The following SPECC1 variants were observed in gnomAD, a reference collection of about 807,000 sequenced individuals.
SPECC1 encodes cytospin-B.
A neutral mutation model predicts 104.1 loss-of-function variants in SPECC1; 62 were observed. That is an observed-to-expected ratio of 0.60 (90% CI 0.49 to 0.74). SPECC1 has a LOEUF of 0.74. Among genes scored for constraint, SPECC1 ranks in the 30% least tolerant of loss-of-function variants. SPECC1 has a pLI of 0.00. For synonymous variants in SPECC1, 513 were observed against 501.6 expected (o/e 1.02, Z -0.30); for missense variants, 1,306 against 1,310.5 (o/e 1.00, Z 0.05).
intron 1 of SPECC1, among the ~76,000 whole-genome samples, chr17:20,044,255 T>C (rs2045446972): frequency 6.6e-6 from 1 of 151,640 alleles, no homozygotes; most frequent in Admixed American, 6.6e-5. Context: ...TTCAGCATGC[T>C]AAAAAAAAGG....
chr17:20,245,309 G>T (rs911184034), intron 7 of SPECC1, among the ~76,000 whole-genome samples: 2 of 152,152 alleles, frequency 1.3e-5, no homozygotes, highest in Non-Finnish European at 2.9e-5. Context: ...CACCCAGTTG[G>T]AAAGCTGCCA....
At chr17:20,137,340 G>T (rs570386296) in intron 3 of SPECC1, among the ~76,000 whole-genome samples, 4 of 152,344 alleles carry the variant, frequency 2.6e-5, no homozygotes, top group African/African-American at 7.2e-5. Flanking sequence ...TGTTGGACAA[G>T]CTGCTTAGTG....
chr17:20,196,491 T>C (rs1326295843), intron 3 of SPECC1, among the ~76,000 whole-genome samples: 5 of 151,502 alleles, frequency 3.3e-5, no homozygotes, highest in Non-Finnish European at 4.4e-5. Flanking sequence ...TTATGACGCA[T>C]TTAGGAGGCC....
chr17:20,291,143 G>T (rs983946931), intron 12 of SPECC1, among the ~76,000 whole-genome samples: 3 of 152,216 alleles, frequency 2.0e-5, no homozygotes, highest in Admixed American at 6.5e-5. Context: ...ATCCACCCCA[G>T]AGTCTGTTCC....
At chr17:20,236,338 CAT>C (rs934926819) in intron 7 of SPECC1, among the ~76,000 whole-genome samples, 3 of 152,142 alleles carry the variant, frequency 2.0e-5, no homozygotes, top group Admixed American at 6.5e-5. Context: ...CTCTTTTTTT[CAT>C]AGTTTAAATG....
At chr17:20,201,309 A>C (rs982322180) in intron 3 of SPECC1, among the ~76,000 whole-genome samples, 2 of 151,880 alleles carry the variant, frequency 1.3e-5, no homozygotes, top group Non-Finnish European at 2.9e-5. Flanking sequence ...AAAAAAAAAA[A>C]ACAAAAAAAC....
chr17:20,123,638 G>A (rs2049145965), intron 3 of SPECC1, among the ~76,000 whole-genome samples: 1 of 152,220 alleles, frequency 6.6e-6, no homozygotes, highest in Non-Finnish European at 1.5e-5. Flanking sequence ...TCCAGGATAG[G>A]TAGTGTTCCC....
rs1183110583 is a variant in SPECC1 at position 20,112,249 on chromosome 17, A to T, written c.283+1687A>T. The T allele has an allele frequency of 3.9e-6, 3 of 763,112 alleles. No homozygotes were observed. The African/African-American group carries it at 5.1e-5, about 13-fold the overall frequency. The allele number at this position is 763,112 out of a possible 1,614,324, so 47.3% of individuals were successfully genotyped here. On this transcript the variant is annotated intron_variant, in intron 3 of 14. Coordinates refer to ENST00000395527, the MANE Select transcript of SPECC1 (RefSeq NM_001243439.2). ...GCTTTCTTAATTGACCGAAGTCCTGAGTACTTTGAACCCATTTTGAACTAC... is the reference window on the plus strand; with the variant it reads ...GCTTTCTTAATTGACCGAAGTCCTGTGTACTTTGAACCCATTTTGAACTAC...
In SPECC1 at chr17:20,077,756, C is replaced by T. The variant is rs1273586183; in HGVS notation, c.-21-18875C>T. On this transcript the variant is annotated intron_variant, in intron 1 of 14. Coordinates refer to ENST00000395527, the MANE Select transcript of SPECC1 (RefSeq NM_001243439.2). The stretch of plus-strand genomic sequence containing the variant: ...TGCTGGGGTTACAAGCGTGAGCCAC[C>T]GCACCTAGCCTGTTGCTTTTATGAT... Among the ~76,000 whole-genome samples, 4 of 152,162 alleles carry T rather than the reference C, an allele frequency of 2.6e-5. No individual in the cohort carries two copies. The South Asian group carries it at 6.2e-4, about 24-fold the overall frequency.
chr17:20,228,342 C>T (rs1185450665), intron 5 of SPECC1, among the ~76,000 whole-genome samples: 1 of 152,154 alleles, frequency 6.6e-6, no homozygotes, highest in Admixed American at 6.5e-5. Context: ...TGTGAGCCAC[C>T]GTATTGAGCT....
chr17:20,231,623 TG>T (rs767066918), intron 5 of SPECC1, 134 bp from the exon 6 acceptor site: 62 of 734,094 alleles, frequency 8.4e-5, no homozygotes, highest in Admixed American at 1.3e-4. Flanking sequence ...TGCTAAAAGT[TG>T]CATTTAGAGT....
At chr17:20,194,817 C>G (rs754991653) in intron 3 of SPECC1, among the ~76,000 whole-genome samples, 4 of 152,104 alleles carry the variant, frequency 2.6e-5, no homozygotes, top group Non-Finnish European at 5.9e-5. Context: ...AAAACAGATT[C>G]TTATTGCACC....
At chr17:20,264,796 A>T (rs1270879011) in intron 12 of SPECC1, among the ~76,000 whole-genome samples, 1 of 152,066 alleles carries the variant, frequency 6.6e-6, no homozygotes, top group Non-Finnish European at 1.5e-5. Flanking sequence ...ACATATACAT[A>T]AAAAGGGCCA....
At chr17:20,128,523 C>T (rs73301526) in intron 3 of SPECC1, among the ~76,000 whole-genome samples, 6,841 of 152,126 alleles carry the variant, frequency 0.045, 423 homozygotes, top group African/African-American at 0.14. Flanking sequence ...AAGAGTGCAG[C>T]GGGGGCCATC....
chr17:20,310,529 C>G (rs1363903920), intron 14 of SPECC1, among the ~76,000 whole-genome samples: 1 of 152,198 alleles, frequency 6.6e-6, no homozygotes, highest in Non-Finnish European at 1.5e-5. Context: ...AGCATCTTAG[C>G]CAGCCCAATT....
At chr17:20,188,274 T>C (rs2035416011) in intron 3 of SPECC1, among the ~76,000 whole-genome samples, 2 of 152,030 alleles carry the variant, frequency 1.3e-5, no homozygotes, top group African/African-American at 4.8e-5. Flanking sequence ...TTTTTCTTTT[T>C]TTGGGACAGA....
At chr17:20,055,571 G>A (rs1466185843) in intron 1 of SPECC1, among the ~76,000 whole-genome samples, 1 of 152,194 alleles carries the variant, frequency 6.6e-6, no homozygotes, top group Non-Finnish European at 1.5e-5. Context: ...TGAACAGGGT[G>A]TCTGAAACTT....
At chr17:20,272,359 A>G (rs1280906643) in intron 12 of SPECC1, among the ~76,000 whole-genome samples, 1 of 149,970 alleles carries the variant, frequency 6.7e-6, no homozygotes, top group Non-Finnish European at 1.5e-5. Context: ...TTGCTTTTGC[A>G]TCATTTCAAT....
At chr17:20,180,626 G>A (rs1381326543) in intron 3 of SPECC1, among the ~76,000 whole-genome samples, 1 of 152,254 alleles carries the variant, frequency 6.6e-6, no homozygotes, top group Non-Finnish European at 1.5e-5. Flanking sequence ...TGAGAGACCA[G>A]GGATGGTGGG....
Sources: gnomAD v4.1 joint callset for allele counts (sites outside exome capture counted in the v4.1 genomes callset) on GRCh38, gnomAD v4.1.1 for gene constraint, MANE v1.5 for transcripts, NCBI Gene and HGNC (gene_info 2026-07-23, HGNC 2026-07-21) for gene names.